TMEM132C: variants seen among roughly 807,000 people sequenced by gnomAD.
The protein encoded by TMEM132C is protein phosphatase 1, regulatory subunit 152.
TMEM132C carries 29 observed loss-of-function variants against 61.4 expected under a neutral mutation model. The observed-to-expected ratio is 0.47, with a 90% confidence interval of 0.35 to 0.64. TMEM132C has a LOEUF of 0.64. Ranked by LOEUF, TMEM132C falls within the 30% of genes least tolerant of loss-of-function variation. The pLI, the probability that TMEM132C is intolerant of heterozygous loss-of-function variation, is 0.00. For missense variants in TMEM132C, 1,408 were observed against 1,476.9 expected, an observed-to-expected ratio of 0.95 and a Z score of 0.76; for synonymous variants, 656 against 633.1, an observed-to-expected ratio of 1.04 and a Z score of -0.54.
At chr12:128,503,121 C>T (rs1046544572) in intron 2 of TMEM132C, among the ~76,000 whole-genome samples, 1 of 152,130 alleles carries the variant, frequency 6.6e-6, no homozygotes, top group African/African-American at 2.4e-5. Context: ...GCCTTACTTT[C>T]GATGCTCTCC....
At chr12:128,549,971 C>G (rs1004297736) in intron 3 of TMEM132C, among the ~76,000 whole-genome samples, 45 of 152,230 alleles carry the variant, frequency 3.0e-4, no homozygotes, top group Middle Eastern at 3.4e-3. Context: ...TTATTCTTGT[C>G]CTGAAAGGAA....
intron 2 of TMEM132C, among the ~76,000 whole-genome samples, chr12:128,541,027 GTC>G (rs71449354): frequency 6.7e-5 from 10 of 149,690 alleles, no homozygotes; most frequent in East Asian, 4.0e-4. Flanking sequence ...CTCTTTCTCT[GTC>G]TCTCTCTCTC....
intron 1 of TMEM132C, among the ~76,000 whole-genome samples, chr12:128,310,158 G>A (rs769306804): frequency 9.2e-5 from 14 of 152,202 alleles, no homozygotes; most frequent in African/African-American, 2.4e-4. Context: ...TGTGAATAAT[G>A]CTGCCATGAA....
At chr12:128,318,780 C>G (rs1355725416) in intron 1 of TMEM132C, among the ~76,000 whole-genome samples, 1 of 152,186 alleles carries the variant, frequency 6.6e-6, no homozygotes, top group Non-Finnish European at 1.5e-5. Flanking sequence ...GTGTTGCATT[C>G]TAGCATAGCA....
At chr12:128,622,322 T>G (rs1953969795) in intron 4 of TMEM132C, among the ~76,000 whole-genome samples, 1 of 116,900 alleles carries the variant, frequency 8.6e-6, no homozygotes, top group Non-Finnish European at 1.7e-5. Flanking sequence ...CTAGCCTGGG[T>G]GACAGAGTGA....
At chr12:128,562,531 C>T (rs932879920) in intron 3 of TMEM132C, among the ~76,000 whole-genome samples, 11 of 152,114 alleles carry the variant, frequency 7.2e-5, no homozygotes, top group African/African-American at 9.7e-5. Flanking sequence ...TAAACTAGGC[C>T]GGCTAAATGG....
intron 2 of TMEM132C, among the ~76,000 whole-genome samples, chr12:128,455,392 C>T (rs969321910): frequency 2.6e-5 from 4 of 152,124 alleles, no homozygotes; most frequent in Non-Finnish European, 5.9e-5. Flanking sequence ...GCAGCCCGGC[C>T]GTCTGTGCTC....
At chr12:128,312,074 G>A (rs542266786) in intron 1 of TMEM132C, among the ~76,000 whole-genome samples, 1 of 152,284 alleles carries the variant, frequency 6.6e-6, no homozygotes, top group East Asian at 1.9e-4. Context: ...CAGCCGGCTG[G>A]AGGTGCCCTA....
At chr12:128,302,481 A>G (rs536041823) in intron 1 of TMEM132C, among the ~76,000 whole-genome samples, 1 of 152,220 alleles carries the variant, frequency 6.6e-6, no homozygotes, top group Non-Finnish European at 1.5e-5. Flanking sequence ...ATGGACTCAG[A>G]TGCCAAAATA....
At chr12:128,670,111 A>T (rs1416557413) in intron 5 of TMEM132C, among the ~76,000 whole-genome samples, 1 of 152,172 alleles carries the variant, frequency 6.6e-6, no homozygotes, top group Non-Finnish European at 1.5e-5. Flanking sequence ...GGAGTTCTAG[A>T]CTAGCCTGGC....
intron 2 of TMEM132C, among the ~76,000 whole-genome samples, chr12:128,424,695 T>C (rs1480390798): frequency 6.6e-6 from 1 of 152,240 alleles, no homozygotes; most frequent in Non-Finnish European, 1.5e-5. Context: ...AAATACTGAA[T>C]TGTATACTTG....
At chr12:128,355,829 G>A (rs187330321) in intron 1 of TMEM132C, among the ~76,000 whole-genome samples, 23 of 152,112 alleles carry the variant, frequency 1.5e-4, no homozygotes, top group African/African-American at 5.5e-4. Context: ...GCCTCCTTTG[G>A]AGCTTTACTT....
chr12:128,619,300 G>C (rs1384654391), intron 4 of TMEM132C, among the ~76,000 whole-genome samples: 2 of 152,222 alleles, frequency 1.3e-5, no homozygotes, highest in East Asian at 3.8e-4. Context: ...TTAAAATCAA[G>C]CATTCTGAAG....
intron 1 of TMEM132C, among the ~76,000 whole-genome samples, chr12:128,403,871 G>A (rs1875250312): frequency 6.6e-6 from 1 of 152,172 alleles, no homozygotes; most frequent in African/African-American, 2.4e-5. Context: ...TCCTATGTAT[G>A]TAATATCTGA....
At chr12:128,347,416 TC>T (rs1873198384) in intron 1 of TMEM132C, among the ~76,000 whole-genome samples, 2 of 142,022 alleles carry the variant, frequency 1.4e-5, no homozygotes, top group African/African-American at 5.0e-5. Context: ...TCTCTCTCTC[TC>T]TCTCTCTCTC....
rs183462040 is a variant in TMEM132C at position 128,494,942 on chromosome 12, G to A, written c.975-49015G>A. On this transcript the variant is annotated intron_variant, in intron 2 of 8. Coordinates refer to ENST00000435159, the MANE Select transcript of TMEM132C (RefSeq NM_001136103.3). Reference sequence around the variant, plus strand: ...GTTCTTTTAATTGTGATGTTTGGGTGTCAATTTTAGATCTTTCCTCCTTTC... The same window carrying A: ...GTTCTTTTAATTGTGATGTTTGGGTATCAATTTTAGATCTTTCCTCCTTTC... Among the ~76,000 whole-genome samples, 34 of 150,102 alleles carry A rather than the reference G, an allele frequency of 2.3e-4. 1 individual carries two copies. The East Asian group carries it at 6.8e-3, about 30-fold the overall frequency.
chr12:128,638,824 A>G (rs1237343016), intron 4 of TMEM132C, among the ~76,000 whole-genome samples: 1 of 151,672 alleles, frequency 6.6e-6, no homozygotes, highest in Non-Finnish European at 1.5e-5. Flanking sequence ...GCTGATGGTA[A>G]TGATGGTAGT....
At chr12:128,558,019 T>A (rs555079384) in intron 3 of TMEM132C, among the ~76,000 whole-genome samples, 1 of 152,336 alleles carries the variant, frequency 6.6e-6, no homozygotes, top group Admixed American at 6.5e-5. Context: ...TTAGTCAGTC[T>A]CCTTGGCTCT....
At chr12:128,534,396 C>T (rs1273300736) in intron 2 of TMEM132C, among the ~76,000 whole-genome samples, 1 of 152,206 alleles carries the variant, frequency 6.6e-6, no homozygotes, top group African/African-American at 2.4e-5. Context: ...ACAGTTGGTG[C>T]TCCATGCTAC....
Sources: allele counts gnomAD v4.1 joint callset (sites outside exome capture counted in the v4.1 genomes callset), GRCh38; gene constraint gnomAD v4.1.1; transcripts MANE v1.5; gene names NCBI Gene and HGNC (gene_info 2026-07-23, HGNC 2026-07-21).